MUC5AC: variants seen among roughly 807,000 people sequenced by gnomAD.
MUC5AC encodes mucin 5AC, oligomeric mucus/gel-forming, also known as mucin-5AC.
In MUC5AC, 158 loss-of-function variants were observed where a neutral mutation model predicts 169.7. The observed-to-expected ratio is 0.93, with a 90% confidence interval of 0.82 to 1.06. MUC5AC has a LOEUF of 1.06. Among genes scored for constraint, MUC5AC ranks in the 50% least tolerant of loss-of-function variants. The pLI is 0.00. For missense variants in MUC5AC, 4,359 were observed against 3,089.9 expected (o/e 1.41, Z -9.74); for synonymous variants, 1,975 against 1,237.0 (o/e 1.60, Z -12.52).
In MUC5AC at chr11:1,165,294, C is replaced by A. The variant is rs776093881; in HGVS notation, c.1130-8C>A. The stretch of plus-strand genomic sequence containing the variant: ...GGCGCCCGTCATAGGCCTGCCTGAC[C>A]CCTGCAGGGACGGTGCTTGACGACA... On this transcript the variant is annotated splice_polypyrimidine_tract_variant and splice_region_variant and intron_variant, in intron 9 of 48. Transcript: ENST00000621226. 29 of 1,609,776 alleles carry A rather than the reference C, an allele frequency of 1.8e-5. No homozygotes were observed. The Admixed American group carries it at 2.8e-4, about 16-fold the overall frequency.
intron 9 of MUC5AC, among the ~76,000 whole-genome samples, chr11:1,165,025 G>A (rs1229423092): frequency 2.9e-5 from 4 of 137,316 alleles, no homozygotes; most frequent in Non-Finnish European, 4.7e-5. Flanking sequence ...TCCTGTCCTG[G>A]GCCCCCTGAG....
At chr11:1,171,211 TACTC>T (rs1192026927) in intron 15 of MUC5AC, among the ~76,000 whole-genome samples, 35,429 of 104,832 alleles carry the variant, frequency 0.34, 5,896 homozygotes, top group African/African-American at 0.53. Context: ...TCACTCAACT[TACTC>T]ACTCACCCAC....
At chr11:1,174,684 C>T in intron 17 of MUC5AC, 62 bp downstream of exon 17, 1 of 687,566 alleles carries the variant, frequency 1.5e-6, no homozygotes, top group African/African-American at 1.8e-5. Context: ...TTGGGGTGCC[C>T]CCAGTGTGCA....
At position 1,191,938 on chromosome 11, in the gene MUC5AC, C is replaced by T. The variant is rs757454001; in HGVS notation, c.13793C>T (p.Thr4598Ile). 3 of 765,164 alleles carry T rather than the reference C, an allele frequency of 3.9e-6. No homozygotes were observed. The highest frequency in any genetic ancestry group is 1.3e-5 in the South Asian group (1 of 74,616). The allele number at this position is 765,164 out of a possible 1,614,324, so 47.4% of individuals were successfully genotyped here. Residue 4598 changes from threonine (T) to isoleucine (I), a missense_variant, in exon 31 of 49, where the codon ACC becomes ATC. Transcript: ENST00000621226. ...GGAACTACTCCCAGCCCCGTTCCCA[C>T]CACCAGCACAACCCCTGTTTCAAAG... is the stretch of plus-strand genomic sequence containing the variant. ...GPGTTPSPVPTTSTTPVSKTS... is the reference protein window; with the variant it reads ...GPGTTPSPVPITSTTPVSKTS...
At chr11:1,164,067 C>T (rs774645220) in intron 7 of MUC5AC, 39 bp from the exon 8 acceptor site, 16 of 1,610,356 alleles carry the variant, frequency 9.9e-6, no homozygotes, top group East Asian at 2.2e-5. Context: ...GTCCAGATCC[C>T]CCACCGAGGA....
intron 11 of MUC5AC, among the ~76,000 whole-genome samples, chr11:1,166,438 C>T (rs1488421508): frequency 2.2e-5 from 3 of 134,822 alleles, no homozygotes; most frequent in East Asian, 2.2e-4. Context: ...AGAGCCTGCA[C>T]CCAACACACA....
chr11:1,184,740 G>C lies in MUC5AC; in HGVS notation c.6595G>C (p.Gly2199Arg), dbSNP rs1300563134. ...GGTGTGCCGGAACCAGGACCAGCAGGGACCCTTCAAGATGTGCCTCAACTA... is the reference window on the plus strand; with the variant it reads ...GGTGTGCCGGAACCAGGACCAGCAGCGACCCTTCAAGATGTGCCTCAACTA... ...GLVCRNQDQQ[G>R]PFKMCLNYEV... Residue 2199 changes from glycine (G) to arginine (R), a missense_variant, in exon 31 of 49, where the codon GGA (glycine) becomes CGA (arginine). Transcript: ENST00000621226. 9 of 638,474 alleles carry C rather than the reference G, an allele frequency of 1.4e-5. No homozygotes were observed. The African/African-American group carries it at 1.5e-4, about 10-fold the overall frequency. The allele number at this position is 638,474 out of a possible 1,614,324, so 39.6% of individuals were successfully genotyped here.
In MUC5AC at chr11:1,187,793, A is replaced by T. The variant is rs1860990624; in HGVS notation, c.9648A>T (p.Gln3216His). The change falls in exon 31 of 49, where the codon CAA becomes CAT. Residue 3216 changes from glutamine (Q) to histidine (H), a missense_variant. Physicochemically the swap from Gln to His is conservative, Grantham distance 24 (BLOSUM62 0). Coordinates refer to ENST00000621226, the MANE Select transcript of MUC5AC (RefSeq NM_001304359.2). ...HVSISKTTHS[Q>H]PVTRDCHLRC... Reference sequence around the variant, plus strand: ...CCATATCCAAGACAACCCACTCCCAACCAGTCACCAGAGACTGTCATCTCC... The same window carrying T: ...CCATATCCAAGACAACCCACTCCCATCCAGTCACCAGAGACTGTCATCTCC... 2.6e-6 allele frequency: 2 copies of T among 764,900 alleles called. No individual in the cohort carries two copies. The highest frequency in any genetic ancestry group is 2.4e-6 in the Non-Finnish European group (1 of 417,858). 47.4% of individuals were successfully genotyped at this position (764,900 alleles called of 1,614,324 possible). A position where few individuals can be genotyped will look rare whatever the true frequency, so the allele number is the denominator to read the frequency against.
rs543658051 is a variant in MUC5AC at position 1,194,329 on chromosome 11, G to A, written c.14975G>A (p.Arg4992His). The change falls in exon 34 of 49, where the codon CGC becomes CAC. Residue 4992 changes from arginine to histidine, a missense_variant. Coordinates refer to ENST00000621226, the MANE Select transcript of MUC5AC (RefSeq NM_001304359.2). ...CACCAGGACCGCGTGGTGCTGACCC[G>A]CAAGCCAGTCCACGGGGTGATGACA... is the stretch of plus-strand genomic sequence containing the variant. The part of the protein sequence containing the change: ...EYHQDRVVLT[R>H]KPVHGVMTNE... 27 of 731,050 alleles carry A rather than the reference G, an allele frequency of 3.7e-5. No individual in the cohort carries two copies. The highest frequency in any genetic ancestry group is 1.3e-4 in the East Asian group (5 of 38,640). 45.3% of individuals were successfully genotyped at this position (731,050 alleles called of 1,614,324 possible). A position where few individuals can be genotyped will look rare whatever the true frequency, so the allele number is the denominator to read the frequency against.
At position 1,198,958 on chromosome 11, in the gene MUC5AC, A is replaced by G; in HGVS notation, c.16258A>G (p.Ser5420Gly). 1.3e-6 allele frequency: 1 copy of G among 764,092 alleles called. No homozygotes were observed. The highest frequency in any genetic ancestry group is 2.4e-6 in the Non-Finnish European group (1 of 417,522). 47.3% of individuals were successfully genotyped at this position (764,092 alleles called of 1,614,324 possible). Residue 5420 changes from serine to glycine, a missense_variant, in exon 44 of 49, where the codon AGC (serine) becomes GGC (glycine). Ser to Gly is a moderately conservative substitution (Grantham distance 56). Transcript: ENST00000621226. Reference protein sequence around the residue: ...GGPPSDAFVVSCETQICNTHC... With the variant: ...GGPPSDAFVVGCETQICNTHC... ...CCCCCCATCGGACGCGTTTGTGGTC[A>G]GCTGTGAGACCCAGATCTGCAACAC...
chr11:1,169,009 C>T lies in MUC5AC; in HGVS notation c.1853C>T (p.Ser618Phe). 6.3e-7 allele frequency: 1 copy of T among 1,596,602 alleles called. No individual in the cohort carries two copies. The stretch of plus-strand genomic sequence containing the variant: ...AGGAACAGCTTCGAGGACCCCTGCT[C>T]TCTGAGCGTGGAGAATGGTACGGGT... ...NIRNSFEDPC[S>F]LSVENEKYAQ... is the part of the protein sequence containing the mutation. Residue 618 changes from serine to phenylalanine, a missense_variant, in exon 15 of 49, where the codon TCT becomes TTT. Transcript: ENST00000621226.
At chr11:1,158,591 CCG>C (rs1860033885) in intron 1 of MUC5AC, among the ~76,000 whole-genome samples, 6 of 152,206 alleles carry the variant, frequency 3.9e-5, no homozygotes, top group East Asian at 1.9e-4. Flanking sequence ...TGTTTCACCC[CCG>C]CCCTGAGGCT....
intron 1 of MUC5AC, among the ~76,000 whole-genome samples, chr11:1,160,125 C>T (rs767298638): frequency 6.6e-6 from 1 of 152,132 alleles, no homozygotes; most frequent in Non-Finnish European, 1.5e-5. Flanking sequence ...CACATTAGCA[C>T]AGTCTCTATG....
chr11:1,166,505 C>G, intron 11 of MUC5AC, among the ~76,000 whole-genome samples: 1 of 138,398 alleles, frequency 7.2e-6, no homozygotes, highest in East Asian at 2.3e-4. Flanking sequence ...TGAGACCCTG[C>G]ACCCAACACA....
chr11:1,179,320 A>C, intron 26 of MUC5AC, 72 bp downstream of exon 26: 1 of 374,558 alleles, frequency 2.7e-6, no homozygotes, highest in Non-Finnish European at 4.5e-6. Flanking sequence ...CTCGCCGCTG[A>C]TGCGTGGGGT....
In MUC5AC at chr11:1,168,550, C is replaced by T. The variant is rs757584707; in HGVS notation, c.1565C>T (p.Ala522Val). The change falls in exon 13 of 49, where the codon GCA (alanine) becomes GTA (valine). Residue 522 changes from alanine (A) to valine (V), a missense_variant and splice_region_variant. Physicochemically the swap from Ala to Val is moderately conservative, Grantham distance 64. Coordinates refer to ENST00000621226, the MANE Select transcript of MUC5AC (RefSeq NM_001304359.2). Reference sequence around the variant, plus strand: ...ATCTACACCCAGCTGCCCATCTCTGCAGGTGAGGGCAGTGGCTTCTTCCCC... The same window carrying T: ...ATCTACACCCAGCTGCCCATCTCTGTAGGTGAGGGCAGTGGCTTCTTCCCC... Reference protein sequence around the residue: ...NQIYTQLPISAANVTIFRPST... With the variant: ...NQIYTQLPISVANVTIFRPST... 6.2e-7 allele frequency: 1 copy of T among 1,612,598 alleles called. No individual in the cohort carries two copies. The highest frequency in any genetic ancestry group is 1.1e-5 in the South Asian group (1 of 91,084).
chr11:1,173,568 TTCATCCACTCACTCACCCACTCAC>T (rs1860603705), intron 16 of MUC5AC, among the ~76,000 whole-genome samples: 1 of 114,124 alleles, frequency 8.8e-6, no homozygotes, highest in Non-Finnish European at 1.7e-5. Context: ...CACCTACTCA[TTCATCCACTCACTCACCCACTCAC>T]TCATCCACTC....
At chr11:1,163,193 C>T (rs1333865853) in intron 6 of MUC5AC, 148 bp downstream of exon 6, 8 of 769,904 alleles carry the variant, frequency 1.0e-5, no homozygotes, top group Non-Finnish European at 1.7e-5. Flanking sequence ...CACACACGTG[C>T]ACACACGCGA....
Position 1,189,857 on chromosome 11 carries a change from C to A in MUC5AC, c.11712C>A (p.Thr3904=). Reference sequence around the variant, plus strand: ...GCTCCACTCCACAGACCAGCAAAACCTCAGCTGCTACAAGCAGCACAACCT... The same window carrying A: ...GCTCCACTCCACAGACCAGCAAAACATCAGCTGCTACAAGCAGCACAACCT... ...STSSTPQTSK[T]SAATSSTTSG... is the part of the protein sequence containing the mutation. The change falls in exon 31 of 49, where the codon ACC becomes ACA. Residue 3904 remains threonine (T), a synonymous_variant. Transcript: ENST00000621226. 1 of 763,242 alleles carries A rather than the reference C, an allele frequency of 1.3e-6. No individual in the cohort carries two copies. The highest frequency in any genetic ancestry group is 2.4e-6 in the Non-Finnish European group (1 of 416,898). 47.3% of individuals were successfully genotyped at this position (763,242 alleles called of 1,614,324 possible). A position where few individuals can be genotyped will look rare whatever the true frequency, so the allele number is the denominator to read the frequency against.
Sources: allele counts gnomAD v4.1 joint callset (sites outside exome capture counted in the v4.1 genomes callset), GRCh38; gene constraint gnomAD v4.1.1; transcripts MANE v1.5; gene names NCBI Gene and HGNC (gene_info 2026-07-23, HGNC 2026-07-21).